Variants in VWC2 observed in about 807,000 individuals in gnomAD.
VWC2 encodes brorin.
Under a neutral mutation model 29.8 loss-of-function variants are expected in VWC2, and 14 were observed. The ratio of observed to expected loss-of-function variants is 0.47; its 90% CI spans 0.31 to 0.74. The LOEUF is 0.74. Ranked by LOEUF, VWC2 falls within the 30% of genes least tolerant of loss-of-function variation. VWC2 has a pLI of 0.05. For missense variants in VWC2, 457 were observed against 459.8 expected (o/e 0.99, Z 0.05); for synonymous variants, 213 against 199.0 (o/e 1.07, Z -0.59).
At chr7:49,774,883 T>A (rs1788016742) in intron 1 of VWC2, among the ~76,000 whole-genome samples, 1 of 152,202 alleles carries the variant, frequency 6.6e-6, no homozygotes, top group Non-Finnish European at 1.5e-5. Context: ...AGGAAGAGTT[T>A]CCCTCTTATC....
In VWC2 at chr7:49,919,822, A is replaced by C. The variant is rs1793933604; in HGVS notation, c.*7637A>C. ...CACCTGCTCTGACTGTTTTCTCTCA[A>C]GAAAAAGATTTTCATTTTAAGATAG... On this transcript the variant is annotated 3_prime_UTR_variant, in exon 4 of 4. Coordinates refer to ENST00000340652, the MANE Select transcript of VWC2 (RefSeq NM_198570.5). 6.6e-6 allele frequency: 1 copy of C among 152,336 alleles called. No homozygotes were observed. Among genetic ancestry groups the C allele is most frequent in the Admixed American group, 6.5e-5 (1 of 15,296 alleles). The allele number at this position is 152,336 out of a possible 1,614,324, so 9.4% of individuals were successfully genotyped here. A position where few individuals can be genotyped will look rare whatever the true frequency, so the allele number is the denominator to read the frequency against.
chr7:49,881,587 G>C (rs1038678824), intron 3 of VWC2, among the ~76,000 whole-genome samples: 1 of 152,138 alleles, frequency 6.6e-6, no homozygotes, highest in African/African-American at 2.4e-5. Context: ...AATGTGTGCT[G>C]TATCGTTTCT....
At position 49,912,231 on chromosome 7, in the gene VWC2, T is replaced by C; in HGVS notation, c.*46T>C. The C allele has an allele frequency of 2.5e-6, 4 of 1,606,964 alleles. No individual in the cohort carries two copies. The highest frequency in any genetic ancestry group is 3.4e-6 in the Non-Finnish European group (4 of 1,174,938). On this transcript the variant is annotated 3_prime_UTR_variant, in exon 4 of 4. Transcript: ENST00000340652. Reference sequence around the variant, plus strand: ...TCTGACTTTTTCTAGAACATTTTACTGATGTGAACATTCTAGATGACTCTG... The same window carrying C: ...TCTGACTTTTTCTAGAACATTTTACCGATGTGAACATTCTAGATGACTCTG...
intron 3 of VWC2, among the ~76,000 whole-genome samples, chr7:49,838,590 C>G (rs1422188171): frequency 6.6e-6 from 1 of 151,962 alleles, no homozygotes; most frequent in Non-Finnish European, 1.5e-5. Flanking sequence ...GGCTGCAGAG[C>G]ATCCTACAGC....
At chr7:49,910,341 T>C (rs1793342805) in intron 3 of VWC2, among the ~76,000 whole-genome samples, 1 of 152,236 alleles carries the variant, frequency 6.6e-6, no homozygotes, top group African/African-American at 2.4e-5. Flanking sequence ...ATTTTGCAGA[T>C]GGACCTTTTT....
At chr7:49,878,027 T>G (rs1481581275) in intron 3 of VWC2, among the ~76,000 whole-genome samples, 1 of 152,120 alleles carries the variant, frequency 6.6e-6, no homozygotes, top group Non-Finnish European at 1.5e-5. Context: ...TTTATTCAGC[T>G]TTCCTCATCT....
chr7:49,860,693 G>T (rs1380158509), intron 3 of VWC2, among the ~76,000 whole-genome samples: 1 of 152,290 alleles, frequency 6.6e-6, no homozygotes. Context: ...TTATATGTTG[G>T]AGCCCTAACT....
chr7:49,787,942 T>A (rs1468945419), intron 2 of VWC2, among the ~76,000 whole-genome samples: 2 of 152,194 alleles, frequency 1.3e-5, no homozygotes, highest in African/African-American at 4.8e-5. Context: ...TCAGGGACCA[T>A]TGCGCCGTAT....
chr7:49,784,484 G>A lies in VWC2; in HGVS notation c.696+8353G>A, dbSNP rs1788250994. Among the ~76,000 whole-genome samples, 4 of 152,220 alleles carry A rather than the reference G, an allele frequency of 2.6e-5. No homozygotes were observed. The South Asian group carries it at 8.3e-4, about 32-fold the overall frequency. ...TGGGGCCTGGGCCCTTGGCACTCATGGCCAATCATTACCGGGTTGTGGCAC... is the reference window on the plus strand; with the variant it reads ...TGGGGCCTGGGCCCTTGGCACTCATAGCCAATCATTACCGGGTTGTGGCAC... On this transcript the variant is annotated intron_variant, in intron 2 of 3. Coordinates refer to ENST00000340652, the MANE Select transcript of VWC2 (RefSeq NM_198570.5).
intron 3 of VWC2, among the ~76,000 whole-genome samples, chr7:49,877,429 T>TC (rs773889164): frequency 2.8e-4 from 32 of 115,970 alleles, no homozygotes; most frequent in Non-Finnish European, 4.8e-4. Flanking sequence ...ACCATTGCAT[T>TC]CCAGCCTGGG....
intron 3 of VWC2, among the ~76,000 whole-genome samples, chr7:49,907,869 C>T (rs1260211705): frequency 2.0e-5 from 3 of 151,998 alleles, no homozygotes; most frequent in Non-Finnish European, 4.4e-5. Flanking sequence ...GTTGTGGAGA[C>T]CATAGTTTTG....
intron 2 of VWC2, among the ~76,000 whole-genome samples, chr7:49,788,512 TGTGA>T (rs926575103): frequency 4.6e-5 from 7 of 150,764 alleles, no homozygotes; most frequent in African/African-American, 9.8e-5. Context: ...TATGAGTGTG[TGTGA>T]GTGTGGGTGT....
intron 3 of VWC2, among the ~76,000 whole-genome samples, chr7:49,828,203 TC>T: frequency 6.6e-6 from 1 of 152,338 alleles, no homozygotes; most frequent in South Asian, 2.1e-4. Flanking sequence ...GTATTTTGGT[TC>T]CTTTTTTGGC....
intron 3 of VWC2, among the ~76,000 whole-genome samples, chr7:49,875,955 C>A (rs372176446): frequency 6.6e-6 from 1 of 152,036 alleles, no homozygotes; most frequent in Non-Finnish European, 1.5e-5. Context: ...AAGAATGAGT[C>A]GAAGAAATTG....
At chr7:49,895,539 G>C (rs905639550) in intron 3 of VWC2, among the ~76,000 whole-genome samples, 3 of 152,164 alleles carry the variant, frequency 2.0e-5, no homozygotes, top group Non-Finnish European at 4.4e-5. Flanking sequence ...TTTATCAGCT[G>C]TCCATGAGGC....
intron 3 of VWC2, among the ~76,000 whole-genome samples, chr7:49,845,665 A>G (rs546087170): frequency 1.5e-4 from 23 of 151,854 alleles, no homozygotes; most frequent in African/African-American, 5.1e-4. Flanking sequence ...ACCTTCGGTG[A>G]TACTTCAGAA....
intron 3 of VWC2, among the ~76,000 whole-genome samples, chr7:49,824,000 T>C (rs917120346): frequency 6.6e-6 from 1 of 152,188 alleles, no homozygotes; most frequent in Non-Finnish European, 1.5e-5. Context: ...AAAAAGTTAA[T>C]ACAAATCCTT....
At chr7:49,845,874 C>T (rs778228306) in intron 3 of VWC2, among the ~76,000 whole-genome samples, 2 of 152,050 alleles carry the variant, frequency 1.3e-5, no homozygotes, top group Admixed American at 6.5e-5. Context: ...AGTGTGAGTG[C>T]GTGTGCACAC....
chr7:49,892,535 C>T (rs1463479940), intron 3 of VWC2, among the ~76,000 whole-genome samples: 9 of 152,166 alleles, frequency 5.9e-5, no homozygotes, highest in Non-Finnish European at 1.5e-5. Context: ...TGTTAGAAAT[C>T]AGCAAAGGCA....
Sources: allele counts gnomAD v4.1 joint callset (sites outside exome capture counted in the v4.1 genomes callset), GRCh38; gene constraint gnomAD v4.1.1; transcripts MANE v1.5; gene names NCBI Gene and HGNC (gene_info 2026-07-23, HGNC 2026-07-21).